LIMD1: variants seen among roughly 807,000 people sequenced by gnomAD.
LIMD1 encodes the protein LIM domain-containing protein 1.
LIMD1 carries 23 observed loss-of-function variants against 58.4 expected under a neutral mutation model. The ratio of observed to expected loss-of-function variants is 0.39; its 90% CI spans 0.28 to 0.56. The LOEUF (loss-of-function observed/expected upper bound fraction) is 0.56. LIMD1 is among the 20% of genes least tolerant of loss of function. The pLI, the probability that LIMD1 is intolerant of heterozygous loss-of-function variation, is 0.57. For synonymous variants in LIMD1, 334 were observed against 345.5 expected (o/e 0.97, Z 0.37); for missense variants, 838 against 855.5 (o/e 0.98, Z 0.25).
rs185593756 is a variant in LIMD1, at chr3:45,609,045, G to A, written c.1408+12758G>A. 6.2e-4 allele frequency among the ~76,000 whole-genome samples: 95 copies of A among 152,330 alleles called. 2 individuals carry two copies. The highest frequency in any genetic ancestry group is 2.2e-3 in the African/African-American group (90 of 41,574). ...TATTTTGGTGACAGTGCTACTGTTT[G>A]CTCAGCAGTAGTGGCTAAGAAACAG... On this transcript the variant is annotated intron_variant, in intron 1 of 7. Coordinates refer to ENST00000273317, the MANE Select transcript of LIMD1 (RefSeq NM_014240.3).
At chr3:45,658,903 G>C (rs1309159639) in intron 2 of LIMD1, among the ~76,000 whole-genome samples, 1 of 152,020 alleles carries the variant, frequency 6.6e-6, no homozygotes, top group Non-Finnish European at 1.5e-5. Flanking sequence ...TGCCACTCAT[G>C]GGCAGATTTC....
chr3:45,635,815 GCAATCTTTCTGAACTGTCTTA>G, intron 1 of LIMD1: 1 of 803,906 alleles, frequency 1.2e-6, no homozygotes, highest in Non-Finnish European at 1.5e-6. Context: ...TAGTGATGGT[GCAATCTTTCTGAACTGTCTTA>G]CAAACAGTGG....
intron 1 of LIMD1, among the ~76,000 whole-genome samples, chr3:45,604,157 T>G (rs1166451653): frequency 1.3e-5 from 2 of 152,226 alleles, no homozygotes; most frequent in Non-Finnish European, 2.9e-5. Flanking sequence ...GGGTGAAGCT[T>G]GGGCTGGAGA....
chr3:45,614,015 G>A (rs1385859609), intron 1 of LIMD1, among the ~76,000 whole-genome samples: 1 of 152,028 alleles, frequency 6.6e-6, no homozygotes, highest in African/African-American at 2.4e-5. Flanking sequence ...TGCTTTACTT[G>A]TTGCTTTCTA....
In LIMD1 at chr3:45,599,906, T is replaced by A. The variant is rs1701394786; in HGVS notation, c.1408+3619T>A. On this transcript the variant is annotated intron_variant, in intron 1 of 7. Coordinates refer to ENST00000273317, the MANE Select transcript of LIMD1 (RefSeq NM_014240.3). Reference sequence around the variant, plus strand: ...CCATCTGCTCTTCTGCGACCTACCTTGGGGCAGAGGAGGAAGTCTTTCGGT... The same window carrying A: ...CCATCTGCTCTTCTGCGACCTACCTAGGGGCAGAGGAGGAAGTCTTTCGGT... 2.0e-5 allele frequency among the ~76,000 whole-genome samples: 3 copies of A among 152,032 alleles called. No individual in the cohort carries two copies. In the South Asian group the frequency reaches 6.2e-4, roughly 31 times the overall value.
At chr3:45,607,112 G>A (rs1701475226) in intron 1 of LIMD1, among the ~76,000 whole-genome samples, 1 of 152,178 alleles carries the variant, frequency 6.6e-6, no homozygotes, top group Non-Finnish European at 1.5e-5. Flanking sequence ...AATTTTGGAT[G>A]ACACTGTCCT....
chr3:45,641,540 A>C (rs890334452), intron 2 of LIMD1, among the ~76,000 whole-genome samples: 1 of 150,244 alleles, frequency 6.7e-6, no homozygotes, highest in Non-Finnish European at 1.5e-5. Context: ...ATATATATAT[A>C]GCATATGGCA....
chr3:45,640,392 G>T (rs1432581653), intron 2 of LIMD1, among the ~76,000 whole-genome samples: 3 of 152,020 alleles, frequency 2.0e-5, no homozygotes, highest in Admixed American at 2.0e-4. Flanking sequence ...CCTGAATTTG[G>T]TGCACTCTGC....
chr3:45,651,199 A>C (rs1701971603), intron 2 of LIMD1, among the ~76,000 whole-genome samples: 1 of 152,056 alleles, frequency 6.6e-6, no homozygotes, highest in South Asian at 2.1e-4. Context: ...TTTCTTGTAA[A>C]TTTGTTTAAG....
Position 45,595,542 on chromosome 3 carries a change from C to T in LIMD1, c.663C>T (p.Pro221=). ...SPGSDPPLPK[P]CGDHPLNHRQ... ...GGAGTGACCCACCACTGCCCAAACC[C>T]TGCGGGGACCATCCCCTAAATCACC... The change falls in exon 1 of 8, where the codon CCC becomes CCT. Residue 221 remains proline (P), a synonymous_variant. Transcript: ENST00000273317. 3 of 1,614,114 alleles carry T rather than the reference C, an allele frequency of 1.9e-6. No individual in the cohort carries two copies. The highest frequency in any genetic ancestry group is 2.5e-6 in the Non-Finnish European group (3 of 1,180,028).
rs1701339552 is a variant in LIMD1, at chr3:45,595,697, C to T, written c.818C>T (p.Pro273Leu). The T allele has an allele frequency of 6.2e-7, 1 of 1,614,060 alleles. No individual in the cohort carries two copies. The highest frequency in any genetic ancestry group is 1.7e-5 in the Admixed American group (1 of 60,016). The change falls in exon 1 of 8, where the codon CCT becomes CTT. Residue 273 changes from proline (P) to leucine (L), a missense_variant. This residue lies in a region of LIMD1 where 659 missense variants were observed against 639.8 expected (regional missense o/e 1.03). Coordinates refer to ENST00000273317, the MANE Select transcript of LIMD1 (RefSeq NM_014240.3). Reference protein sequence around the residue: ...WSTASSQRVSPGLPSPNLENG... With the variant: ...WSTASSQRVSLGLPSPNLENG... ...ACTGCCTCCTCCCAGCGGGTGAGCCCTGGCCTGCCTTCCCCAAACTTGGAG... is the reference window on the plus strand; with the variant it reads ...ACTGCCTCCTCCCAGCGGGTGAGCCTTGGCCTGCCTTCCCCAAACTTGGAG...
intron 2 of LIMD1, among the ~76,000 whole-genome samples, chr3:45,659,544 A>G (rs934950377): frequency 6.6e-6 from 1 of 152,000 alleles, no homozygotes; most frequent in Admixed American, 6.6e-5. Flanking sequence ...GCACCACTGC[A>G]CTCCAGCCTG....
chr3:45,663,270 C>T (rs1241088647), intron 2 of LIMD1, among the ~76,000 whole-genome samples: 1 of 152,162 alleles, frequency 6.6e-6, no homozygotes, highest in Non-Finnish European at 1.5e-5. Context: ...CGTGAACATC[C>T]ATACATGTCT....
chr3:45,602,562 C>CG (rs957616932), intron 1 of LIMD1, among the ~76,000 whole-genome samples: 3 of 152,084 alleles, frequency 2.0e-5, no homozygotes, highest in Admixed American at 2.0e-4. Flanking sequence ...GACAGACCCC[C>CG]CTTAGCCTGG....
intron 1 of LIMD1, among the ~76,000 whole-genome samples, chr3:45,631,759 A>G (rs965106067): frequency 3.3e-5 from 5 of 152,322 alleles, no homozygotes; most frequent in Admixed American, 3.3e-4. Context: ...GGCTGTTGTC[A>G]GAGCATCCAC....
intron 1 of LIMD1, among the ~76,000 whole-genome samples, chr3:45,631,434 A>C (rs1455343249): frequency 1.3e-5 from 2 of 152,156 alleles, no homozygotes; most frequent in Non-Finnish European, 2.9e-5. Flanking sequence ...CCATTTAGCC[A>C]CAAGGATGAA....
In LIMD1 at chr3:45,679,253, A is replaced by G. The variant is rs1198070980; in HGVS notation, c.*2194A>G. The G allele has an allele frequency of 6.6e-6, 1 of 152,218 alleles. No homozygotes were observed. The highest frequency in any genetic ancestry group is 1.5e-5 in the Non-Finnish European group (1 of 68,026). 9.4% of individuals were successfully genotyped at this position (152,218 alleles called of 1,614,324 possible). A position where few individuals can be genotyped will look rare whatever the true frequency, so the allele number is the denominator to read the frequency against. ...TAGGTTTGCGAATATACCATTTTAT[A>G]TTGTTGAGAAAGAACAAAAAGGGAA... On this transcript the variant is annotated 3_prime_UTR_variant, in exon 8 of 8. Transcript: ENST00000273317.
chr3:45,597,505 T>A (rs1354293765), intron 1 of LIMD1, among the ~76,000 whole-genome samples: 1 of 152,252 alleles, frequency 6.6e-6, no homozygotes, highest in Non-Finnish European at 1.5e-5. Context: ...TAGCTTCAAC[T>A]TTTTTTCTTT....
chr3:45,649,848 G>GTTTTTTTTTTT (rs367547670), intron 2 of LIMD1, among the ~76,000 whole-genome samples: 1 of 97,312 alleles, frequency 1.0e-5, no homozygotes. Flanking sequence ...AAGTTTTTTT[G>GTTTTTTTTTTT]TTTTTTTTTT....
Sources: gnomAD v4.1 joint callset for allele counts (sites outside exome capture counted in the v4.1 genomes callset) on GRCh38, gnomAD v4.1.1 for gene constraint, gnomAD v4.1.1 regional missense constraint, MANE v1.5 for transcripts, NCBI Gene and HGNC (gene_info 2026-07-23, HGNC 2026-07-21) for gene names.